The following HDAC4 variants were observed in gnomAD, a reference collection of about 807,000 sequenced individuals.
HDAC4 encodes the protein histone deacetylase A.
In HDAC4, 16 loss-of-function variants were observed where a neutral mutation model predicts 135.1. The observed-to-expected ratio is 0.12, with a 90% CI of 0.08 to 0.18. The LOEUF is 0.18. HDAC4 is among the 10% of genes least tolerant of loss of function. The pLI, the probability that HDAC4 is intolerant of heterozygous loss-of-function variation, is 1.00. For synonymous variants in HDAC4, 685 were observed against 653.4 expected, an observed-to-expected ratio of 1.05 and a Z score of -0.74; for missense variants, 1,143 against 1,511.8, an observed-to-expected ratio of 0.76 and a Z score of 4.05.
At chr2:239,132,417 G>A (rs904971224) in intron 11 of HDAC4, among the ~76,000 whole-genome samples, 1 of 152,232 alleles carries the variant, frequency 6.6e-6, no homozygotes, top group Non-Finnish European at 1.5e-5. Flanking sequence ...CTGTGCAGGA[G>A]AGAAGGGGCT....
chr2:239,278,699 CAT>C (rs970658987), intron 2 of HDAC4, among the ~76,000 whole-genome samples: 5 of 152,342 alleles, frequency 3.3e-5, no homozygotes, highest in Non-Finnish European at 5.9e-5. Context: ...TTTTGTACCA[CAT>C]GTCAGTCAAA....
intron 16 of HDAC4, among the ~76,000 whole-genome samples, chr2:239,097,130 A>C (rs1206857167): frequency 6.6e-6 from 1 of 152,192 alleles, no homozygotes; most frequent in African/African-American, 2.4e-5. Context: ...ACGTGCTCGG[A>C]GGAGCCAGCC....
chr2:239,317,034 G>A (rs892210755), intron 2 of HDAC4, among the ~76,000 whole-genome samples: 8 of 152,200 alleles, frequency 5.3e-5, no homozygotes, highest in African/African-American at 1.4e-4. Flanking sequence ...TGGGGTGTGC[G>A]TAAGAGCTTG....
chr2:239,053,279 G>A, intron 26 of HDAC4, 143 bp from the exon 27 acceptor site: 1 of 1,333,262 alleles, frequency 7.5e-7, no homozygotes, highest in Non-Finnish European at 1.0e-6. Context: ...CATCTGTTCA[G>A]GATCTAATGC....
At chr2:239,096,044 T>C (rs1432578421) in intron 16 of HDAC4, among the ~76,000 whole-genome samples, 1 of 152,092 alleles carries the variant, frequency 6.6e-6, no homozygotes, top group African/African-American at 2.4e-5. Flanking sequence ...TCTCCCATTC[T>C]CAGCCTGCTC....
chr2:239,356,686 G>A (rs1418367835), intron 1 of HDAC4, among the ~76,000 whole-genome samples: 1 of 151,876 alleles, frequency 6.6e-6, no homozygotes. Context: ...AATGATAAAG[G>A]GGTTGGTTCA....
At position 239,248,624 on chromosome 2, in the gene HDAC4, T is replaced by C. The variant is rs544799320; in HGVS notation, c.23-11960A>G. ...TGAGAAACAATAACAGCTAAGTAACTCCTAGCAGGAGCTGACGATGGTCAG... is the reference window on the plus strand; with the variant it reads ...TGAGAAACAATAACAGCTAAGTAACCCCTAGCAGGAGCTGACGATGGTCAG... On this transcript the variant is annotated intron_variant, in intron 2 of 26. Transcript: ENST00000543185. Among the ~76,000 whole-genome samples, 6 of 152,276 alleles carry C rather than the reference T, an allele frequency of 3.9e-5. No homozygotes were observed. In the South Asian group the frequency reaches 1.2e-3, roughly 32 times the overall value.
intron 2 of HDAC4, among the ~76,000 whole-genome samples, chr2:239,343,295 G>A (rs190249807): frequency 1.0e-3 from 159 of 152,318 alleles, no homozygotes; most frequent in African/African-American, 3.6e-3. Context: ...TGGCCACAAC[G>A]TGAAAGTTTC....
At chr2:239,103,901 G>T (rs1415916689) in intron 15 of HDAC4, among the ~76,000 whole-genome samples, 2 of 152,278 alleles carry the variant, frequency 1.3e-5, no homozygotes, top group Non-Finnish European at 2.9e-5. Context: ...GCGGAGCCAA[G>T]AACTCAGTCC....
At chr2:239,103,574 A>G (rs1243066472) in intron 15 of HDAC4, among the ~76,000 whole-genome samples, 1 of 152,274 alleles carries the variant, frequency 6.6e-6, no homozygotes, top group Non-Finnish European at 1.5e-5. Flanking sequence ...AATGGCTCTC[A>G]GAGGGTTAGG....
At chr2:239,270,906 A>G (rs1295103283) in intron 2 of HDAC4, among the ~76,000 whole-genome samples, 2 of 152,198 alleles carry the variant, frequency 1.3e-5, no homozygotes, top group East Asian at 3.8e-4. Flanking sequence ...AGGAAAATAC[A>G]GTGTCCGTTC....
chr2:239,350,059 C>T (rs748554113), intron 2 of HDAC4, among the ~76,000 whole-genome samples: 22 of 152,146 alleles, frequency 1.4e-4, no homozygotes, highest in Admixed American at 6.5e-5. Flanking sequence ...CCCAGCACCC[C>T]GCGGTTTCCA....
At chr2:239,295,379 T>A (rs949295947) in intron 2 of HDAC4, among the ~76,000 whole-genome samples, 3 of 151,220 alleles carry the variant, frequency 2.0e-5, no homozygotes, top group Non-Finnish European at 4.4e-5. Context: ...AAGAGCAGAT[T>A]TTTATTCATC....
intron 1 of HDAC4, among the ~76,000 whole-genome samples, chr2:239,381,640 A>C (rs947098148): frequency 6.6e-6 from 1 of 152,244 alleles, no homozygotes; most frequent in Non-Finnish European, 1.5e-5. Flanking sequence ...TCTAATGCTA[A>C]ATAAATGCTC....
At chr2:239,239,251 C>T (rs2153186976) in intron 2 of HDAC4, among the ~76,000 whole-genome samples, 1 of 152,340 alleles carries the variant, frequency 6.6e-6, no homozygotes, top group Non-Finnish European at 1.5e-5. Flanking sequence ...ACAAGCCCCT[C>T]TCAGGTTCTG....
chr2:239,205,812 G>A (rs1386309049), intron 3 of HDAC4, among the ~76,000 whole-genome samples: 3 of 152,166 alleles, frequency 2.0e-5, no homozygotes, highest in Admixed American at 2.0e-4. Flanking sequence ...AACGGCAAGA[G>A]GTGAATGGGG....
chr2:239,200,178 A>C (rs2045669546), intron 3 of HDAC4, among the ~76,000 whole-genome samples: 1 of 152,098 alleles, frequency 6.6e-6, no homozygotes, highest in African/African-American at 2.4e-5. Flanking sequence ...GTTTTTGTGA[A>C]TTTCCTGAGG....
rs1380643249 is a variant in HDAC4, at chr2:239,049,343, G to A, written c.*3754C>T. ...AATGTCATGAGAGGGGAACAGAAAG[G>A]CATTTTTCTTCTTCCCCAAAGCTGC... On this transcript the variant is annotated 3_prime_UTR_variant, in exon 27 of 27. Coordinates refer to ENST00000543185, the MANE Select transcript of HDAC4 (RefSeq NM_001378414.1). 1 of 152,474 alleles carries A rather than the reference G, an allele frequency of 6.6e-6. No homozygotes were observed. The highest frequency in any genetic ancestry group is 1.9e-4 in the East Asian group (1 of 5,200). 9.4% of individuals were successfully genotyped at this position (152,474 alleles called of 1,614,324 possible).
chr2:239,201,048 C>T (rs1054470543), intron 3 of HDAC4, among the ~76,000 whole-genome samples: 1 of 152,110 alleles, frequency 6.6e-6, no homozygotes, highest in African/African-American at 2.4e-5. Context: ...GAACTCTGGC[C>T]CACGGCCTTT....
Sources: allele counts gnomAD v4.1 joint callset (sites outside exome capture counted in the v4.1 genomes callset), GRCh38; gene constraint gnomAD v4.1.1; transcripts MANE v1.5; gene names NCBI Gene and HGNC (gene_info 2026-07-23, HGNC 2026-07-21).